The following DAPK1 variants were observed in gnomAD, a reference collection of about 807,000 sequenced individuals.
DAPK1 encodes the protein death associated protein kinase 1, also known as death-associated protein kinase 1.
In DAPK1, 56 loss-of-function variants were observed where a neutral mutation model predicts 144.9. The observed-to-expected ratio is 0.39, with a 90% CI of 0.31 to 0.48. DAPK1 has a LOEUF of 0.48. Among genes scored for constraint, DAPK1 ranks in the 20% least tolerant of loss-of-function variants. The pLI is 0.95. For missense variants in DAPK1, 1,454 were observed against 1,875.4 expected (o/e 0.78, Z 4.15); for synonymous variants, 690 against 749.0 (o/e 0.92, Z 1.29).
intron 2 of DAPK1, among the ~76,000 whole-genome samples, chr9:87,510,784 A>G (rs1824806958): frequency 6.6e-6 from 1 of 152,180 alleles, no homozygotes; most frequent in Admixed American, 6.5e-5. Flanking sequence ...CACAAAACAC[A>G]TTAGCTGTTA....
In DAPK1 at chr9:87,707,403, A is replaced by G. The variant is rs1009852773; in HGVS notation, c.*39A>G. 2 of 1,414,232 alleles carry G rather than the reference A, an allele frequency of 1.4e-6. No homozygotes were observed. The highest frequency in any genetic ancestry group is 3.8e-5 in the Admixed American group (2 of 52,892). The allele number at this position is 1,414,232 out of a possible 1,614,324, so 87.6% of individuals were successfully genotyped here. ...CTTGGGCAGGGTCTGTTTGGACTGC[A>G]GAAGCAAGGGGGTGATGTAGCCCAT... On this transcript the variant is annotated 3_prime_UTR_variant, in exon 26 of 26. Transcript: ENST00000408954. The surrounding 1 kb of genome is among the most constrained non-coding windows in gnomAD (Gnocchi z 4.0).
At chr9:87,534,374 A>G (rs1427703512) in intron 2 of DAPK1, among the ~76,000 whole-genome samples, 1 of 151,774 alleles carries the variant, frequency 6.6e-6, no homozygotes, top group Non-Finnish European at 1.5e-5. Context: ...CACACTGGAC[A>G]TTTCATTGGA....
In DAPK1 at chr9:87,616,226, G is replaced by A. The variant is rs540399867; in HGVS notation, c.284+11051G>A. Among the ~76,000 whole-genome samples the A allele has an allele frequency of 2.0e-5, 3 of 152,324 alleles. No homozygotes were observed. In the East Asian group the frequency reaches 5.8e-4, roughly 29 times the overall value. On this transcript the variant is annotated intron_variant, in intron 3 of 25. Coordinates refer to ENST00000408954, the MANE Select transcript of DAPK1 (RefSeq NM_004938.4). ...TTTCCAGTGGGATTGCTGAAGCCTA[G>A]GAGTGGGATGGCTTCATGGGGGCTC...
chr9:87,546,610 A>G (rs987943810), intron 2 of DAPK1, among the ~76,000 whole-genome samples: 1 of 152,218 alleles, frequency 6.6e-6, no homozygotes, highest in Non-Finnish European at 1.5e-5. Flanking sequence ...AGCATCAAAC[A>G]TGCAGAAAAC....
chr9:87,502,044 T>C (rs1378059254), intron 2 of DAPK1, among the ~76,000 whole-genome samples: 1 of 152,164 alleles, frequency 6.6e-6, no homozygotes, highest in Non-Finnish European at 1.5e-5. Context: ...AATATAGATA[T>C]TATCTGTAGA....
At chr9:87,612,738 G>T (rs983440362) in intron 3 of DAPK1, among the ~76,000 whole-genome samples, 1 of 152,152 alleles carries the variant, frequency 6.6e-6, no homozygotes, top group East Asian at 1.9e-4. Flanking sequence ...GCAAAATGAC[G>T]CAATACATAC....
At chr9:87,670,620 C>G (rs1421808440) in intron 19 of DAPK1, among the ~76,000 whole-genome samples, 3 of 152,154 alleles carry the variant, frequency 2.0e-5, no homozygotes, top group African/African-American at 7.2e-5. Flanking sequence ...ATCCCTGAGT[C>G]CCCATGCTGT....
intron 9 of DAPK1, among the ~76,000 whole-genome samples, chr9:87,641,634 A>G (rs1263216173): frequency 6.6e-6 from 1 of 152,176 alleles, no homozygotes; most frequent in African/African-American, 2.4e-5. Flanking sequence ...TCTCAGCTCT[A>G]CATTACTTGA....
At chr9:87,562,140 G>T (rs987677992) in intron 2 of DAPK1, among the ~76,000 whole-genome samples, 1 of 152,212 alleles carries the variant, frequency 6.6e-6, no homozygotes, top group African/African-American at 2.4e-5. Context: ...CTGCAGTTCT[G>T]TATCTACCTG....
chr9:87,542,964 T>G (rs2118486944), intron 2 of DAPK1, among the ~76,000 whole-genome samples: 1 of 152,330 alleles, frequency 6.6e-6, no homozygotes, highest in Admixed American at 6.5e-5. Flanking sequence ...TTTTTACCAT[T>G]AATTAGCGTA....
At chr9:87,654,133 G>A (rs1003231570) in intron 17 of DAPK1, among the ~76,000 whole-genome samples, 2 of 152,158 alleles carry the variant, frequency 1.3e-5, no homozygotes, top group Admixed American at 1.3e-4. Flanking sequence ...AAATAACTGT[G>A]CTTTTAGGTT....
chr9:87,597,434 T>A (rs554195578), intron 2 of DAPK1, among the ~76,000 whole-genome samples: 1 of 152,246 alleles, frequency 6.6e-6, no homozygotes, highest in African/African-American at 2.4e-5. Flanking sequence ...GACTTAACAT[T>A]TAGATTTCAA....
At chr9:87,533,974 T>C (rs1421212609) in intron 2 of DAPK1, among the ~76,000 whole-genome samples, 1 of 152,234 alleles carries the variant, frequency 6.6e-6, no homozygotes, top group South Asian at 2.1e-4. Flanking sequence ...AGTCCACTCA[T>C]TTTCTAACAG....
chr9:87,570,624 G>T (rs1218663492), intron 2 of DAPK1, among the ~76,000 whole-genome samples: 2 of 152,192 alleles, frequency 1.3e-5, no homozygotes, highest in East Asian at 3.9e-4. Flanking sequence ...ACAAGGGACT[G>T]CTTGAGGAGT....
chr9:87,605,481 C>T (rs1828683468), intron 3 of DAPK1, among the ~76,000 whole-genome samples: 2 of 152,118 alleles, frequency 1.3e-5, no homozygotes, highest in African/African-American at 4.8e-5. Flanking sequence ...TTCTGAGTTT[C>T]CTGTTAAGCT....
chr9:87,564,389 G>A (rs1267330989), intron 2 of DAPK1, among the ~76,000 whole-genome samples: 1 of 152,098 alleles, frequency 6.6e-6, no homozygotes, highest in African/African-American at 2.4e-5. Flanking sequence ...TTGTTAACTG[G>A]GAAATGAGGG....
chr9:87,703,560 AG>A (rs1409095248), intron 25 of DAPK1, among the ~76,000 whole-genome samples: 1 of 152,166 alleles, frequency 6.6e-6, no homozygotes, highest in Non-Finnish European at 1.5e-5. Flanking sequence ...GGCAGCCTTC[AG>A]GATGGCTTCT....
intron 2 of DAPK1, among the ~76,000 whole-genome samples, chr9:87,566,397 A>G (rs891839073): frequency 1.3e-5 from 2 of 152,120 alleles, no homozygotes; most frequent in Non-Finnish European, 1.5e-5. Flanking sequence ...CTATTAAGCC[A>G]TTCTTGTTCT....
chr9:87,573,326 G>A (rs570174563), intron 2 of DAPK1, among the ~76,000 whole-genome samples: 38 of 152,330 alleles, frequency 2.5e-4, no homozygotes, highest in East Asian at 9.6e-4. Flanking sequence ...CAAGCCCATC[G>A]TGCACTGCAC....
Sources: gnomAD v4.1 joint callset for allele counts (sites outside exome capture counted in the v4.1 genomes callset) on GRCh38, gnomAD v4.1.1 for gene constraint, Gnocchi (gnomAD v3.1) non-coding constraint, MANE v1.5 for transcripts, NCBI Gene and HGNC (gene_info 2026-07-23, HGNC 2026-07-21) for gene names.